Variants in LRP8 observed in about 807,000 individuals in gnomAD.
LRP8 encodes the protein low-density lipoprotein receptor-related protein 8.
A neutral mutation model predicts 111.6 loss-of-function variants in LRP8; 46 were observed. That is an observed-to-expected ratio of 0.41 (90% CI 0.33 to 0.53). The LOEUF (loss-of-function observed/expected upper bound fraction) is 0.53. Ranked by LOEUF, LRP8 falls within the 20% of genes least tolerant of loss-of-function variation. The pLI, the probability that LRP8 is intolerant of heterozygous loss-of-function variation, is 0.20. For missense variants in LRP8, 959 were observed against 1,297.4 expected (o/e 0.74, Z 4.01); for synonymous variants, 464 against 511.2 (o/e 0.91, Z 1.24).
chr1:53,272,153 T>C (rs1459614377), intron 6 of LRP8, among the ~76,000 whole-genome samples: 2 of 152,024 alleles, frequency 1.3e-5, no homozygotes, highest in African/African-American at 4.8e-5. Flanking sequence ...CATGAACTAA[T>C]ATGATGGGTT....
chr1:53,273,677 G>A (rs1354804404), intron 6 of LRP8, among the ~76,000 whole-genome samples: 1 of 152,230 alleles, frequency 6.6e-6, no homozygotes, highest in African/African-American at 2.4e-5. Flanking sequence ...ACTTCTCTTG[G>A]CAGGGCCTGG....
intron 5 of LRP8, 98 bp downstream of exon 5, chr1:53,276,594 A>T: frequency 2.1e-6 from 2 of 947,386 alleles, no homozygotes; most frequent in Non-Finnish European, 2.9e-6. Flanking sequence ...TAATGTATTC[A>T]GGTAAGGCAA....
chr1:53,243,126 T>G lies in LRP8; in HGVS notation c.*3892A>C, dbSNP rs574103941. 6.6e-6 allele frequency: 1 copy of G among 152,214 alleles called. No individual in the cohort carries two copies. The highest frequency in any genetic ancestry group is 1.5e-5 in the Non-Finnish European group (1 of 68,042). The allele number at this position is 152,214 out of a possible 1,614,324, so 9.4% of individuals were successfully genotyped here. On this transcript the variant is annotated 3_prime_UTR_variant, in exon 19 of 19. Coordinates refer to ENST00000306052, the MANE Select transcript of LRP8 (RefSeq NM_004631.5). ...GAATTATTTACTCTGAAACATTTAA[T>G]GCTAACTCATTTATATTTTGTGAAA...
At chr1:53,258,288 A>AG in intron 14 of LRP8, 31 bp downstream of exon 14, 1 of 1,605,450 alleles carries the variant, frequency 6.2e-7, no homozygotes, top group East Asian at 2.3e-5. Flanking sequence ...TGACACTGCC[A>AG]GGGGCCATCC....
At chr1:53,300,775 G>A (rs1650668789) in intron 2 of LRP8, among the ~76,000 whole-genome samples, 1 of 152,216 alleles carries the variant, frequency 6.6e-6, no homozygotes, top group Non-Finnish European at 1.5e-5. Flanking sequence ...GGGCTTCTCT[G>A]GGGAGTTCCA....
chr1:53,290,170 G>A (rs563600352), intron 2 of LRP8, among the ~76,000 whole-genome samples: 6 of 152,294 alleles, frequency 3.9e-5, no homozygotes, highest in African/African-American at 1.4e-4. Flanking sequence ...GATGAATGAC[G>A]TATTTTGTGT....
chr1:53,273,906 C>A (rs1208964218), intron 6 of LRP8, among the ~76,000 whole-genome samples: 1 of 152,200 alleles, frequency 6.6e-6, no homozygotes, highest in Non-Finnish European at 1.5e-5. Flanking sequence ...ACTGACCTAG[C>A]CTCTGTCCTC....
At chr1:53,257,193 T>C (rs764573704) in intron 15 of LRP8, 47 bp downstream of exon 15, 2 of 1,587,614 alleles carry the variant, frequency 1.3e-6, no homozygotes, top group South Asian at 1.1e-5. Flanking sequence ...CTGGCTTCCC[T>C]AGGAGCCCTC....
intron 2 of LRP8, among the ~76,000 whole-genome samples, chr1:53,320,659 A>C (rs1557871893): frequency 6.6e-6 from 1 of 152,186 alleles, no homozygotes; most frequent in Non-Finnish European, 1.5e-5. Flanking sequence ...GAAAACTGGA[A>C]TGTCATCCCC....
intron 15 of LRP8, 123 bp downstream of exon 15, chr1:53,257,117 A>G: frequency 2.3e-6 from 2 of 869,464 alleles, no homozygotes; most frequent in East Asian, 2.7e-5. Context: ...TCAGATATGC[A>G]GTAACCTCCT....
chr1:53,255,265 AC>A, intron 15 of LRP8, 80 bp from the exon 16 acceptor site: 1 of 1,153,458 alleles, frequency 8.7e-7, no homozygotes. Flanking sequence ...GGTAAGAACT[AC>A]CCAACTGCTG....
intron 3 of LRP8, 184 bp downstream of exon 3, chr1:53,289,383 G>T: frequency 1.3e-6 from 1 of 760,166 alleles, no homozygotes; most frequent in Non-Finnish European, 1.9e-6. Context: ...AGAGGGCTGT[G>T]AAGAAAGTCC....
chr1:53,289,762 T>C, intron 2 of LRP8, 73 bp from the exon 3 acceptor site: 1 of 1,584,850 alleles, frequency 6.3e-7, no homozygotes. Context: ...AGGATGTGCT[T>C]GGTCTGCAAA....
chr1:53,256,678 T>C (rs960971107), intron 15 of LRP8, among the ~76,000 whole-genome samples: 9 of 152,268 alleles, frequency 5.9e-5, no homozygotes, highest in Non-Finnish European at 1.2e-4. Flanking sequence ...AGAACATTTC[T>C]AGCAGTGACA....
At chr1:53,278,275 C>A (rs560733003) in intron 4 of LRP8, among the ~76,000 whole-genome samples, 1 of 152,282 alleles carries the variant, frequency 6.6e-6, no homozygotes, top group South Asian at 2.1e-4. Flanking sequence ...GGGCAGTGAC[C>A]TCCTCACTTC....
Position 53,275,245 on chromosome 1 carries a change from G to A in LRP8, c.1006+386C>T, listed in dbSNP as rs1646881515. Among the ~76,000 whole-genome samples, 1 of 152,196 alleles carries A rather than the reference G, an allele frequency of 6.6e-6. No homozygotes were observed. Among genetic ancestry groups the A allele is most frequent in the Admixed American group, 6.5e-5 (1 of 15,290 alleles). ...GTGAATGAGGGTCCCTGCTCCTGCA[G>A]AGGGCAGGTGGTGACCAGAAGAACC... On this transcript the variant is annotated intron_variant, in intron 6 of 18. Coordinates refer to ENST00000306052, the MANE Select transcript of LRP8 (RefSeq NM_004631.5). The surrounding 1 kb of genome is among the most constrained non-coding windows in gnomAD (Gnocchi z 4.4).
chr1:53,276,304 G>A (rs1030789705), intron 5 of LRP8, among the ~76,000 whole-genome samples: 1 of 151,966 alleles, frequency 6.6e-6, no homozygotes, highest in Non-Finnish European at 1.5e-5. Context: ...GAGGGACCCA[G>A]CCCAGCTGGG....
At chr1:53,325,162 C>T (rs192609732) in intron 2 of LRP8, among the ~76,000 whole-genome samples, 221 of 152,318 alleles carry the variant, frequency 1.5e-3, no homozygotes, top group African/African-American at 5.0e-3. Context: ...TTTACCAAGG[C>T]ACAGCCATTT....
intron 2 of LRP8, among the ~76,000 whole-genome samples, chr1:53,296,250 C>G (rs1480607258): frequency 6.6e-6 from 1 of 152,194 alleles, no homozygotes; most frequent in Non-Finnish European, 1.5e-5. Flanking sequence ...GAGCAGCGAC[C>G]CCTAAGAAAG....
Sources: gnomAD v4.1 joint callset for allele counts (sites outside exome capture counted in the v4.1 genomes callset) on GRCh38, gnomAD v4.1.1 for gene constraint, Gnocchi (gnomAD v3.1) non-coding constraint, MANE v1.5 for transcripts, NCBI Gene and HGNC (gene_info 2026-07-23, HGNC 2026-07-21) for gene names.